The following NPAS3 variants were observed in gnomAD, a reference collection of about 807,000 sequenced individuals.
The protein encoded by NPAS3 is neuronal PAS domain-containing protein 3.
A neutral mutation model predicts 73.1 loss-of-function variants in NPAS3; 14 were observed. That is an observed-to-expected ratio of 0.19 (90% CI 0.13 to 0.30). The LOEUF is 0.30. Ranked by LOEUF, NPAS3 falls within the 10% of genes least tolerant of loss-of-function variation. The pLI is 1.00. For synonymous variants in NPAS3, 620 were observed against 541.5 expected (o/e 1.14, Z -2.01); for missense variants, 1,096 against 1,250.0 (o/e 0.88, Z 1.86).
chr14:33,000,456 A>ACT (rs1386838037), intron 1 of NPAS3, among the ~76,000 whole-genome samples: 1 of 152,070 alleles, frequency 6.6e-6, no homozygotes, highest in African/African-American at 2.4e-5. Flanking sequence ...CCACTGCAAG[A>ACT]CTCTGCATGT....
chr14:33,485,888 G>C (rs1030601117), intron 4 of NPAS3, among the ~76,000 whole-genome samples: 1 of 151,804 alleles, frequency 6.6e-6, no homozygotes, highest in Non-Finnish European at 1.5e-5. Flanking sequence ...GGCCTCATGT[G>C]AGTGCTCAGG....
In NPAS3 at chr14:33,320,964, C is replaced by T. The variant is rs112272284; in HGVS notation, c.386-46222C>T. ...CCAGCCTCTCCAGCTGGTGCCTCCA[C>T]GCTGCATGCTTTCCTTGTCCTACAA... On this transcript the variant is annotated intron_variant, in intron 3 of 11. Transcript: ENST00000356141. 2.8e-3 allele frequency among the ~76,000 whole-genome samples: 419 copies of T among 152,222 alleles called. 2 individuals carry two copies. The highest frequency in any genetic ancestry group is 4.4e-3 in the Non-Finnish European group (298 of 68,008).
chr14:33,127,132 T>G (rs1595504772), intron 2 of NPAS3, among the ~76,000 whole-genome samples: 1 of 152,098 alleles, frequency 6.6e-6, no homozygotes, highest in East Asian at 1.9e-4. Flanking sequence ...GGCATATTCT[T>G]TGGGACTTCC....
At chr14:33,373,337 T>C (rs1008510850) in intron 4 of NPAS3, among the ~76,000 whole-genome samples, 1 of 152,038 alleles carries the variant, frequency 6.6e-6, no homozygotes, top group Admixed American at 6.6e-5. Flanking sequence ...ACATGGAAAT[T>C]GTTAAGGTTT....
At chr14:33,705,301 T>C (rs1289061344) in intron 6 of NPAS3, among the ~76,000 whole-genome samples, 5 of 151,914 alleles carry the variant, frequency 3.3e-5, no homozygotes, top group Admixed American at 3.3e-4. Flanking sequence ...GTGAGGTTAG[T>C]AGCATCTACA....
chr14:33,531,982 C>T (rs1056060178), intron 4 of NPAS3, among the ~76,000 whole-genome samples: 1 of 152,078 alleles, frequency 6.6e-6, no homozygotes, highest in African/African-American at 2.4e-5. Flanking sequence ...GTCTTGTCTG[C>T]CTCAGTCTCA....
chr14:33,078,290 C>G (rs78910820), intron 2 of NPAS3, among the ~76,000 whole-genome samples: 1 of 152,132 alleles, frequency 6.6e-6, no homozygotes, highest in Non-Finnish European at 1.5e-5. Context: ...TAATTGAACA[C>G]ATTTTCCTTC....
At chr14:33,626,673 C>T (rs1057451900) in intron 5 of NPAS3, among the ~76,000 whole-genome samples, 13 of 152,164 alleles carry the variant, frequency 8.5e-5, no homozygotes, top group African/African-American at 3.1e-4. Context: ...TGACAGGCAC[C>T]ATTTTTAGGT....
intron 2 of NPAS3, among the ~76,000 whole-genome samples, chr14:33,089,538 C>G (rs528253638): frequency 1.7e-4 from 26 of 152,294 alleles, no homozygotes; most frequent in Middle Eastern, 6.8e-3. Flanking sequence ...GTACCTGAAA[C>G]TGACGGGGAG....
chr14:33,624,887 G>A (rs1808901355), intron 5 of NPAS3, among the ~76,000 whole-genome samples: 1 of 152,102 alleles, frequency 6.6e-6, no homozygotes, highest in African/African-American at 2.4e-5. Context: ...TTACATGTGT[G>A]TGTGCACAGT....
chr14:33,545,428 C>A (rs139794833), intron 4 of NPAS3, among the ~76,000 whole-genome samples: 113 of 152,244 alleles, frequency 7.4e-4, no homozygotes, highest in Non-Finnish European at 6.5e-4. Flanking sequence ...TGTGTTAACT[C>A]CAATCATCTC....
At chr14:33,437,529 A>G (rs1594904525) in intron 4 of NPAS3, among the ~76,000 whole-genome samples, 2 of 152,278 alleles carry the variant, frequency 1.3e-5, no homozygotes, top group Admixed American at 1.3e-4. Flanking sequence ...ACTGTCCCAA[A>G]TAGAGTGGCC....
intron 1 of NPAS3, among the ~76,000 whole-genome samples, chr14:33,054,351 T>C (rs1460307583): frequency 6.6e-6 from 1 of 152,178 alleles, no homozygotes; most frequent in Non-Finnish European, 1.5e-5. Flanking sequence ...AAATGGTTAA[T>C]TATAAATAGA....
intron 3 of NPAS3, among the ~76,000 whole-genome samples, chr14:33,320,182 T>A (rs1024138289): frequency 2.0e-5 from 3 of 152,100 alleles, no homozygotes; most frequent in African/African-American, 7.2e-5. Context: ...CACTATGTGC[T>A]TAGGTAAGAG....
intron 5 of NPAS3, among the ~76,000 whole-genome samples, chr14:33,589,613 A>G (rs946579686): frequency 1.4e-4 from 22 of 152,302 alleles, no homozygotes; most frequent in Admixed American, 2.0e-4. Flanking sequence ...TCCAGATCCC[A>G]CATCTCATCG....
intron 1 of NPAS3, among the ~76,000 whole-genome samples, chr14:32,993,919 C>A (rs2038446468): frequency 1.3e-5 from 2 of 152,174 alleles, no homozygotes; most frequent in Non-Finnish European, 2.9e-5. Flanking sequence ...CTCTCACATG[C>A]TCAGTTTAAT....
intron 2 of NPAS3, among the ~76,000 whole-genome samples, chr14:33,104,176 A>G (rs113145895): frequency 2.3e-4 from 35 of 152,292 alleles, no homozygotes; most frequent in African/African-American, 8.2e-4. Flanking sequence ...GTAAATAACA[A>G]AAGGACCTTG....
chr14:33,218,232 A>G (rs1362313556), intron 3 of NPAS3, among the ~76,000 whole-genome samples: 1 of 152,158 alleles, frequency 6.6e-6, no homozygotes, highest in Non-Finnish European at 1.5e-5. Context: ...CTAAGTTGGT[A>G]CATATTCACT....
chr14:32,957,562 C>T (rs760135011), intron 1 of NPAS3, among the ~76,000 whole-genome samples: 3 of 151,846 alleles, frequency 2.0e-5, no homozygotes, highest in African/African-American at 4.8e-5. Context: ...TTAGTATAGA[C>T]GGGGTTTCAC....
Sources: allele counts gnomAD v4.1 joint callset (sites outside exome capture counted in the v4.1 genomes callset), GRCh38; gene constraint gnomAD v4.1.1; transcripts MANE v1.5; gene names NCBI Gene and HGNC (gene_info 2026-07-23, HGNC 2026-07-21).